Variants in ABHD18 observed in about 807,000 individuals in gnomAD.
The protein encoded by ABHD18 is cardiolipin-specific deacylase, mitochondrial.
In ABHD18, 55 loss-of-function variants were observed where a neutral mutation model predicts 65.9. The observed-to-expected ratio is 0.84, with a 90% CI of 0.67 to 1.05. ABHD18 has a LOEUF of 1.05. Among genes scored for constraint, ABHD18 ranks in the 50% least tolerant of loss-of-function variants. The pLI is 0.00. For synonymous variants in ABHD18, 181 were observed against 180.2 expected (o/e 1.00, Z -0.04); for missense variants, 533 against 558.5 (o/e 0.95, Z 0.46).
At chr4:128,035,716 C>A in intron 12 of ABHD18, 46 bp from the exon 13 acceptor site, 2 of 1,150,168 alleles carry the variant, frequency 1.7e-6, no homozygotes, top group East Asian at 2.6e-5. Context: ...GTTTGTCCCC[C>A]CTTTTTGTTA....
At position 128,039,863 on chromosome 4, in the gene ABHD18, C is replaced by T. The variant is rs183087199; in HGVS notation, c.*4050C>T. 7.9e-5 allele frequency: 12 copies of T among 152,110 alleles called. No homozygotes were observed. Among genetic ancestry groups the T allele is most frequent in the Admixed American group, 2.6e-4 (4 of 15,246 alleles). The allele number at this position is 152,110 out of a possible 1,614,324, so 9.4% of individuals were successfully genotyped here. A position where few individuals can be genotyped will look rare whatever the true frequency, so the allele number is the denominator to read the frequency against. On this transcript the variant is annotated 3_prime_UTR_variant, in exon 13 of 13. Transcript: ENST00000645843. ...AAGACAGAAATAAGCAAGGGAGGCTCTAGCAGAACAGTATCAGTATCTCTA... is the reference window on the plus strand; with the variant it reads ...AAGACAGAAATAAGCAAGGGAGGCTTTAGCAGAACAGTATCAGTATCTCTA...
At chr4:127,986,350 T>G (rs1055660923) in intron 3 of ABHD18, among the ~76,000 whole-genome samples, 2 of 152,240 alleles carry the variant, frequency 1.3e-5, no homozygotes, top group Non-Finnish European at 2.9e-5. Flanking sequence ...GTGTCAGTAC[T>G]TCTTTTTGTT....
chr4:128,014,799 C>G (rs981240028), intron 7 of ABHD18, among the ~76,000 whole-genome samples: 1 of 151,966 alleles, frequency 6.6e-6, no homozygotes. Context: ...AAAAAAATGG[C>G]CAGGTGCAGT....
At chr4:127,971,677 A>T (rs911387946) in intron 1 of ABHD18, among the ~76,000 whole-genome samples, 9 of 151,784 alleles carry the variant, frequency 5.9e-5, no homozygotes, top group African/African-American at 1.7e-4. Flanking sequence ...TTTTTAGTAG[A>T]GATGGGGTTT....
chr4:128,013,640 G>A (rs148389731), intron 7 of ABHD18, among the ~76,000 whole-genome samples: 7,344 of 151,946 alleles, frequency 0.048, 250 homozygotes, highest in Non-Finnish European at 0.08. Context: ...GGAGCTTACA[G>A]TGAGCCGAGA....
intron 11 of ABHD18, 22 bp from the exon 12 acceptor site, chr4:128,030,488 T>G: frequency 6.8e-7 from 1 of 1,464,124 alleles, no homozygotes; most frequent in East Asian, 2.6e-5. Context: ...ATATGTTGAA[T>G]TTTTAAAAAT....
At chr4:128,010,651 G>A (rs1048544067) in intron 6 of ABHD18, among the ~76,000 whole-genome samples, 2 of 151,438 alleles carry the variant, frequency 1.3e-5, no homozygotes, top group South Asian at 2.1e-4. Context: ...GGTGGCTCAC[G>A]CCCTGTAATC....
In ABHD18 at chr4:127,971,913, T is replaced by G. The variant is rs192843012; in HGVS notation, c.-18+6307T>G. ...AATTCTGACACTAACCACCTAGAAT[T>G]AATGCAGACCCCACAAGTTAAGGGC... On this transcript the variant is annotated intron_variant, in intron 1 of 12. Transcript: ENST00000645843. Among the ~76,000 whole-genome samples, 4 of 152,194 alleles carry G rather than the reference T, an allele frequency of 2.6e-5. No homozygotes were observed. In the East Asian group the frequency reaches 5.8e-4, roughly 22 times the overall value.
chr4:128,028,496 CAA>C lies in ABHD18; in HGVS notation c.824_825del (p.Gln275ArgfsTer8). ...YCGTDSFKMGQEFVKHFTSSA... is the reference protein window; with the variant it reads ...YCGTDSFKMGXEFVKHFTSSA... ...TCAGACAGATTCTTTCAAAATGGGA[CAA>C]GAGTTTGTGAAACACTTCACTAGCA... On this transcript the variant is annotated frameshift_variant, in exon 11 of 13. Transcript: ENST00000645843. LOFTEE classifies it high-confidence loss of function. 1.3e-6 allele frequency: 2 copies of C among 1,572,452 alleles called. No individual in the cohort carries two copies. Among genetic ancestry groups the C allele is most frequent in the Non-Finnish European group, 1.7e-6 (2 of 1,162,530 alleles).
intron 4 of ABHD18, among the ~76,000 whole-genome samples, chr4:127,995,031 C>T (rs1351782248): frequency 2.0e-5 from 3 of 152,102 alleles, no homozygotes; most frequent in Non-Finnish European, 4.4e-5. Context: ...AGGCACATGT[C>T]ACCACGCCTG....
chr4:128,014,632 A>G (rs1366483667), intron 7 of ABHD18, among the ~76,000 whole-genome samples: 3 of 152,232 alleles, frequency 2.0e-5, no homozygotes, highest in African/African-American at 7.2e-5. Flanking sequence ...ATTCATCATA[A>G]GAAATGGCTT....
intron 10 of ABHD18, among the ~76,000 whole-genome samples, chr4:128,027,122 A>G (rs1757483926): frequency 6.6e-6 from 1 of 152,092 alleles, no homozygotes; most frequent in South Asian, 2.1e-4. Context: ...AAATACTTAC[A>G]ATTGTGTTAC....
chr4:127,996,256 C>A (rs1335982280), intron 4 of ABHD18, among the ~76,000 whole-genome samples: 1 of 152,060 alleles, frequency 6.6e-6, no homozygotes, highest in African/African-American at 2.4e-5. Context: ...ATCGGGGGAA[C>A]CAGCCCCCAA....
intron 3 of ABHD18, among the ~76,000 whole-genome samples, 178 bp from the exon 4 acceptor site, chr4:127,989,543 A>C (rs1214074504): frequency 2.0e-5 from 3 of 152,208 alleles, no homozygotes; most frequent in African/African-American, 7.2e-5. Flanking sequence ...CCCATAATAC[A>C]TTCAATGATT....
chr4:127,985,236 T>A (rs1749746912), intron 3 of ABHD18, among the ~76,000 whole-genome samples: 2 of 152,066 alleles, frequency 1.3e-5, no homozygotes, highest in Non-Finnish European at 2.9e-5. Flanking sequence ...CTTTTTTTTT[T>A]AAGGAGGCAC....
At chr4:128,022,476 A>G (rs961382717) in intron 10 of ABHD18, among the ~76,000 whole-genome samples, 1 of 152,230 alleles carries the variant, frequency 6.6e-6, no homozygotes, top group South Asian at 2.1e-4. Context: ...TCACAAGGCT[A>G]TATAGGAAAC....
At chr4:128,024,405 T>A (rs1757022714) in intron 10 of ABHD18, among the ~76,000 whole-genome samples, 1 of 152,170 alleles carries the variant, frequency 6.6e-6, no homozygotes, top group Non-Finnish European at 1.5e-5. Flanking sequence ...ACACATGAAC[T>A]TTGGGGGACA....
intron 10 of ABHD18, among the ~76,000 whole-genome samples, chr4:128,023,740 C>T (rs1756918573): frequency 6.6e-6 from 1 of 152,168 alleles, no homozygotes; most frequent in Non-Finnish European, 1.5e-5. Context: ...ATTAGCCGGG[C>T]GTGGTGGCAG....
At chr4:127,987,315 G>A (rs748517913) in intron 3 of ABHD18, among the ~76,000 whole-genome samples, 2 of 151,756 alleles carry the variant, frequency 1.3e-5, no homozygotes, top group Non-Finnish European at 2.9e-5. Flanking sequence ...TCATGCCACT[G>A]TACTCCAGTC....
Sources: allele counts gnomAD v4.1 joint callset (sites outside exome capture counted in the v4.1 genomes callset), GRCh38; gene constraint gnomAD v4.1.1; transcripts MANE v1.5; gene names NCBI Gene and HGNC (gene_info 2026-07-23, HGNC 2026-07-21).